The following KRT6C variants were observed in gnomAD, a reference collection of about 807,000 sequenced individuals.
KRT6C encodes the protein keratin 6C.
Under a neutral mutation model 49.4 loss-of-function variants are expected in KRT6C, and 46 were observed. That is an observed-to-expected ratio of 0.93 (90% confidence interval 0.74 to 1.19). The LOEUF (loss-of-function observed/expected upper bound fraction) is 1.19. KRT6C is among the 50% of genes most tolerant of loss of function. The pLI, the probability that KRT6C is intolerant of heterozygous loss-of-function variation, is 0.00. For missense variants in KRT6C, 552 were observed against 737.5 expected (o/e 0.75, Z 2.91); for synonymous variants, 236 against 297.1 (o/e 0.79, Z 2.12).
intron 5 of KRT6C, 59 bp from the exon 6 acceptor site, chr12:52,470,689 A>G (rs755357829): frequency 8.7e-6 from 14 of 1,612,974 alleles, no homozygotes; most frequent in African/African-American, 2.7e-5. Flanking sequence ...GGGAGCGATG[A>G]CTTTCACTTG....
At chr12:52,470,156 G>A (rs1043198168) in intron 6 of KRT6C, 6 of 610,090 alleles carry the variant, frequency 9.8e-6, no homozygotes, top group African/African-American at 5.5e-5. Flanking sequence ...CAAGCCATAT[G>A]GAAGATGAAT....
chr12:52,470,526 C>A lies in KRT6C; in HGVS notation c.1182G>T (p.Glu394Asp), dbSNP rs371414703. 3.1e-6 allele frequency: 5 copies of A among 1,614,054 alleles called. No individual in the cohort carries two copies. The African/African-American group carries it at 6.7e-5, about 22-fold the overall frequency. Residue 394 changes from glutamate (E) to aspartate (D), a missense_variant, in exon 6 of 9, where the codon GAG (glutamate) becomes GAT (aspartate). By Grantham distance (45) the Glu-to-Asp change is conservative. Coordinates refer to ENST00000252250, the MANE Select transcript of KRT6C (RefSeq NM_173086.5). ...GTACCTGCTTCTTGACATGGTCGAT[C>A]TCAGATCTCAGCCTCTGGATCATGC... ...INRMIQRLRS[E>D]IDHVKKQCAS...
chr12:52,470,538 C>T lies in KRT6C; in HGVS notation c.1170G>A (p.Arg390=), dbSNP rs149351477. ...EIAEINRMIQ[R]LRSEIDHVKK... Reference sequence around the variant, plus strand: ...TGACATGGTCGATCTCAGATCTCAGCCTCTGGATCATGCGGTTGATCTCAG... The same window carrying T: ...TGACATGGTCGATCTCAGATCTCAGTCTCTGGATCATGCGGTTGATCTCAG... Residue 390 remains arginine, a synonymous_variant, in exon 6 of 9, where the codon AGG becomes AGA. Coordinates refer to ENST00000252250, the MANE Select transcript of KRT6C (RefSeq NM_173086.5). 8.1e-6 allele frequency: 13 copies of T among 1,614,162 alleles called. No individual in the cohort carries two copies. In the African/African-American group the frequency reaches 1.6e-4, roughly 20 times the overall value.
In KRT6C at chr12:52,469,860, C is replaced by T. The variant is rs1363225369; in HGVS notation, c.1234G>A (p.Ala412Thr). The change falls in exon 7 of 9, where the codon GCT (alanine) becomes ACT (threonine). Residue 412 changes from alanine to threonine, a missense_variant. Ala to Thr is a moderately conservative substitution (Grantham distance 58). Coordinates refer to ENST00000252250, the MANE Select transcript of KRT6C (RefSeq NM_173086.5). ...CASLQAAIAD[A>T]EQRGEMALKD... is the part of the protein sequence containing the mutation. ...AGTGCCATCTCCCCACGCTGCTCAG[C>T]ATCAGCAATGGCAGCCTGCAGGCTG... The T allele has an allele frequency of 6.2e-7, 1 of 1,614,114 alleles. No individual in the cohort carries two copies. The highest frequency in any genetic ancestry group is 1.1e-5 in the South Asian group (1 of 91,078).
chr12:52,470,361 G>T, intron 6 of KRT6C, 144 bp downstream of exon 6: 1 of 1,447,752 alleles, frequency 6.9e-7, no homozygotes, highest in Non-Finnish European at 9.6e-7. Context: ...TCTCTATTGA[G>T]TTCTCACTGA....
Position 52,469,043 on chromosome 12 carries a change from G to C in KRT6C, c.*19C>G, listed in dbSNP as rs372306924. ...AGAAGGGCCTGAGGACTGTGGGACC[G>C]AGAGCTGGAGGCAGCACTTTAGTGC... On this transcript the variant is annotated 3_prime_UTR_variant, in exon 9 of 9. Coordinates refer to ENST00000252250, the MANE Select transcript of KRT6C (RefSeq NM_173086.5). 2.2e-5 allele frequency: 36 copies of C among 1,613,984 alleles called. No individual in the cohort carries two copies. The African/African-American group carries it at 2.7e-4, about 12-fold the overall frequency.
intron 3 of KRT6C, 50 bp downstream of exon 3, chr12:52,471,622 C>T: frequency 1.3e-6 from 2 of 1,588,598 alleles, no homozygotes; most frequent in Non-Finnish European, 1.7e-6. Context: ...GGACACAGAG[C>T]CACTTCTCTC....
chr12:52,469,535 A>T (rs1289914140), intron 7 of KRT6C, 90 bp from the exon 8 acceptor site: 35 of 1,612,786 alleles, frequency 2.2e-5, no homozygotes, highest in Non-Finnish European at 3.0e-5. Context: ...GGAAGAGTCC[A>T]TGGGAAACTG....
chr12:52,471,986 GT>G, intron 2 of KRT6C, 79 bp downstream of exon 2: 1 of 1,306,320 alleles, frequency 7.7e-7, no homozygotes. Context: ...ATGGACATGG[GT>G]TGTTAGGAAT....
At chr12:52,472,765 A>T (rs970611639) in intron 1 of KRT6C, among the ~76,000 whole-genome samples, 9 of 138,018 alleles carry the variant, frequency 6.5e-5, no homozygotes, top group African/African-American at 2.0e-4. Context: ...CATGTTTTAC[A>T]GTTGTTTCTA....
rs774895415 is a variant in KRT6C, at chr12:52,469,682, C to T, written c.1412G>A (p.Gly471Asp). ...GTCAGTTACCTACCTGCACTCCTCGCCCTCCAGCAGCTTGCGGTAGGTGGC... is the reference window on the plus strand; with the variant it reads ...GTCAGTTACCTACCTGCACTCCTCGTCCTCCAGCAGCTTGCGGTAGGTGGC... ...EIATYRKLLE[G>D]EECRLNGEGV... Residue 471 changes from glycine (G) to aspartate (D), a missense_variant, in exon 7 of 9, where the codon GGC becomes GAC. Around this residue, in one of 3 missense-constraint regions of KRT6C, gnomAD observed 425 missense variants for 439.4 expected, o/e 0.97. Coordinates refer to ENST00000252250, the MANE Select transcript of KRT6C (RefSeq NM_173086.5). The T allele has an allele frequency of 5.6e-6, 9 of 1,614,028 alleles. No individual in the cohort carries two copies.
At position 52,473,556 on chromosome 12, in the gene KRT6C, A is replaced by T. The variant is rs2121518657; in HGVS notation, c.182T>A (p.Leu61Gln). ...CCTCTTGGAGCCCCCCAGGCCATAC[A>T]GACTGCGGCTGCCAAAGCCAGCTCC... ...CGGAGFGSRS[L>Q]YGLGGSKRIS... Residue 61 changes from leucine (L) to glutamine (Q), a missense_variant, in exon 1 of 9, where the codon CTG (leucine) becomes CAG (glutamine). Coordinates refer to ENST00000252250, the MANE Select transcript of KRT6C (RefSeq NM_173086.5). 6.3e-7 allele frequency: 1 copy of T among 1,590,548 alleles called. No individual in the cohort carries two copies. The highest frequency in any genetic ancestry group is 1.7e-5 in the Admixed American group (1 of 58,060).
In KRT6C at chr12:52,472,284, G is replaced by C. The variant is rs371188944; in HGVS notation, c.541-4C>G. ...TCTGCTGCTCTAGGAACCGCACCTG[G>C]AAGGGAAGCAAGATGGTCATTTTCC... is the stretch of plus-strand genomic sequence containing the variant. On this transcript the variant is annotated splice_polypyrimidine_tract_variant and splice_region_variant and intron_variant, in intron 1 of 8. Transcript: ENST00000252250. The C allele has an allele frequency of 3.5e-5, 50 of 1,409,332 alleles. 7 individuals carry two copies. The highest frequency in any genetic ancestry group is 1.0e-4 in the South Asian group (9 of 86,050). 87.3% of individuals were successfully genotyped at this position (1,409,332 alleles called of 1,614,324 possible).
chr12:52,470,113 A>G (rs542315494), intron 6 of KRT6C: 6 of 645,762 alleles, frequency 9.3e-6, no homozygotes, highest in South Asian at 5.7e-5. Flanking sequence ...TGTGCGTTGC[A>G]TCTTATGGGA....
chr12:52,469,822 C>T lies in KRT6C; in HGVS notation c.1272G>A (p.Lys424=). The part of the protein sequence containing the change: ...QRGEMALKDA[K]NKLEGLEDAL... The stretch of plus-strand genomic sequence containing the variant: ...CATCCTCCAGCCCTTCCAGCTTGTT[C>T]TTAGCATCCTTGAGTGCCATCTCCC... The change falls in exon 7 of 9, where the codon AAG becomes AAA. Residue 424 remains lysine (K), a synonymous_variant. Transcript: ENST00000252250. The T allele has an allele frequency of 6.2e-7, 1 of 1,614,096 alleles. No individual in the cohort carries two copies. Among genetic ancestry groups the T allele is most frequent in the Non-Finnish European group, 8.5e-7 (1 of 1,179,996 alleles).
rs753055035 is a variant in KRT6C, at chr12:52,471,087, G to T, written c.1077+45C>A. On this transcript the variant is annotated intron_variant, in intron 5 of 8. Coordinates refer to ENST00000252250, the MANE Select transcript of KRT6C (RefSeq NM_173086.5). ...AAGTCTGCAGTCCTCTGGTATTCCA[G>T]GATGGACACAAGGATTCCTCAGCAG... The T allele has an allele frequency of 1.9e-6, 3 of 1,614,154 alleles. No individual in the cohort carries two copies. The East Asian group carries it at 6.7e-5, about 36-fold the overall frequency.
chr12:52,469,834 G>A lies in KRT6C; in HGVS notation c.1260C>T (p.Leu420=), dbSNP rs757092016. Residue 420 remains leucine (L), a synonymous_variant, in exon 7 of 9, where the codon CTC becomes CTT. Coordinates refer to ENST00000252250, the MANE Select transcript of KRT6C (RefSeq NM_173086.5). ...CTTCCAGCTTGTTCTTAGCATCCTT[G>A]AGTGCCATCTCCCCACGCTGCTCAG... ...ADAEQRGEMA[L]KDAKNKLEGL... The A allele has an allele frequency of 3.7e-6, 6 of 1,613,938 alleles. No individual in the cohort carries two copies. Among genetic ancestry groups the A allele is most frequent in the Non-Finnish European group, 4.2e-6 (5 of 1,179,992 alleles).
At position 52,469,062 on chromosome 12, in the gene KRT6C, T is replaced by A; in HGVS notation, c.1695A>T (p.Ter565TyrextTer58). 6.2e-7 allele frequency: 1 copy of A among 1,613,984 alleles called. No homozygotes were observed. Among genetic ancestry groups the A allele is most frequent in the Non-Finnish European group, 8.5e-7 (1 of 1,179,976 alleles). ...GGGACCGAGAGCTGGAGGCAGCACT[T>A]TAGTGCTTGTAGCTCTTCCTGCTGG... Reference protein sequence around the residue: ...SSSSRKSYKH* With the variant: ...SSSSRKSYKHY Residue 565 changes from the stop codon to tyrosine (Y), a stop_lost, in exon 9 of 9, where the codon TAA becomes TAT. Coordinates refer to ENST00000252250, the MANE Select transcript of KRT6C (RefSeq NM_173086.5).
Position 52,468,537 on chromosome 12 carries a change from T to C in KRT6C, c.*525A>G, listed in dbSNP as rs1282427960. The stretch of plus-strand genomic sequence containing the variant: ...TGCATTATTCTAAAACCTGCTTTAT[T>C]TAGAAATTACAAAGAGCAAAGAGCA... On this transcript the variant is annotated 3_prime_UTR_variant, in exon 9 of 9. Coordinates refer to ENST00000252250, the MANE Select transcript of KRT6C (RefSeq NM_173086.5). The C allele has an allele frequency of 6.2e-6, 1 of 161,744 alleles. No homozygotes were observed. Among genetic ancestry groups the C allele is most frequent in the Non-Finnish European group, 1.4e-5 (1 of 72,972 alleles). The allele number at this position is 161,744 out of a possible 1,614,324, so 10.0% of individuals were successfully genotyped here.
Sources: gnomAD v4.1 joint callset for allele counts (sites outside exome capture counted in the v4.1 genomes callset) on GRCh38, gnomAD v4.1.1 for gene constraint, gnomAD v4.1.1 regional missense constraint, MANE v1.5 for transcripts, NCBI Gene and HGNC (gene_info 2026-07-23, HGNC 2026-07-21) for gene names.